ADGRB1: variants seen among roughly 807,000 people sequenced by gnomAD.
The protein encoded by ADGRB1 is brain-specific angiogenesis inhibitor 1.
ADGRB1 carries 36 observed loss-of-function variants against 175.7 expected under a neutral mutation model. That is an observed-to-expected ratio of 0.20 (90% CI 0.16 to 0.27). ADGRB1 has a LOEUF of 0.27. Among genes scored for constraint, ADGRB1 ranks in the 10% least tolerant of loss-of-function variants. ADGRB1 has a pLI of 1.00. For synonymous variants in ADGRB1, 1,054 were observed against 979.4 expected (o/e 1.08, Z -1.42); for missense variants, 1,731 against 2,255.3 (o/e 0.77, Z 4.71).
intron 4 of ADGRB1, among the ~76,000 whole-genome samples, 156 bp downstream of exon 4, chr8:142,476,851 A>G (rs975801951): frequency 6.6e-6 from 1 of 152,214 alleles, no homozygotes; most frequent in African/African-American, 2.4e-5. Context: ...GCCTGGCATT[A>G]GGGGAACTGG....
intron 17 of ADGRB1, among the ~76,000 whole-genome samples, chr8:142,506,042 G>A (rs943915640): frequency 6.6e-6 from 1 of 152,208 alleles, no homozygotes; most frequent in East Asian, 1.9e-4. Context: ...GCGCCTGTGG[G>A]ACTGTCATGC....
chr8:142,478,455 G>GCC, intron 7 of ADGRB1, 95 bp downstream of exon 7: 1 of 1,360,500 alleles, frequency 7.4e-7, no homozygotes, highest in Non-Finnish European at 9.8e-7. Context: ...GTAACCATGG[G>GCC]CCCCGGCATG....
At chr8:142,452,430 G>A (rs1383616849) in intron 1 of ADGRB1, among the ~76,000 whole-genome samples, 1 of 152,174 alleles carries the variant, frequency 6.6e-6, no homozygotes. Context: ...CACTCATCCG[G>A]ATCCCGGGCT....
At chr8:142,515,320 C>T (rs1843354197) in intron 18 of ADGRB1, among the ~76,000 whole-genome samples, 1 of 152,238 alleles carries the variant, frequency 6.6e-6, no homozygotes, top group Non-Finnish European at 1.5e-5. Context: ...CGGTCTTGGT[C>T]TACCCCTCCT....
intron 1 of ADGRB1, among the ~76,000 whole-genome samples, chr8:142,463,382 C>A (rs779016788): frequency 1.3e-5 from 2 of 152,232 alleles, no homozygotes; most frequent in African/African-American, 2.4e-5. Flanking sequence ...GGCTCTGCAC[C>A]CCCTTCCTGC....
At chr8:142,459,021 C>T (rs1839830468) in intron 1 of ADGRB1, among the ~76,000 whole-genome samples, 1 of 152,248 alleles carries the variant, frequency 6.6e-6, no homozygotes, top group African/African-American at 2.4e-5. Context: ...AGCGCCCACA[C>T]TGGTCCCCCA....
At position 142,477,249 on chromosome 8, in the gene ADGRB1, G is replaced by A. The variant is rs1440764063; in HGVS notation, c.1193G>A (p.Arg398Gln). ...TGCAGCGGACCCCTGCGCGAGCAGC[G>A]GCTGTGCAACAACTCTGCCGTGTGC... ...TQCSGPLREQ[R>Q]LCNNSAVCPV... Residue 398 changes from arginine (R) to glutamine (Q), a missense_variant, in exon 5 of 31, where the codon CGG becomes CAG. By Grantham distance (43) the Arg-to-Gln change is conservative (BLOSUM62 1). Coordinates refer to ENST00000517894, the MANE Select transcript of ADGRB1 (RefSeq NM_001702.3). The A allele has an allele frequency of 1.9e-6, 3 of 1,597,472 alleles. No homozygotes were observed. The highest frequency in any genetic ancestry group is 1.1e-5 in the South Asian group (1 of 90,676).
chr8:142,489,481 C>G (rs567156780), intron 16 of ADGRB1, 43 bp downstream of exon 16: 2 of 1,584,216 alleles, frequency 1.3e-6, no homozygotes, highest in Non-Finnish European at 1.7e-6. Context: ...AGCAGAAACG[C>G]GTGTGCGCGA....
chr8:142,536,931 G>T (rs567031449), intron 25 of ADGRB1, 56 bp from the exon 26 acceptor site: 3 of 1,451,492 alleles, frequency 2.1e-6, no homozygotes, highest in Admixed American at 4.2e-5. Flanking sequence ...CTGATCTGGC[G>T]CTGGCGCAGG....
intron 1 of ADGRB1, among the ~76,000 whole-genome samples, chr8:142,462,886 C>A (rs1317361409): frequency 1.3e-5 from 2 of 152,204 alleles, no homozygotes; most frequent in African/African-American, 4.8e-5. Context: ...GAGGTGGATG[C>A]CCGCTGGGCC....
intron 17 of ADGRB1, among the ~76,000 whole-genome samples, chr8:142,500,511 A>C (rs1476189487): frequency 6.6e-6 from 1 of 151,126 alleles, no homozygotes; most frequent in Non-Finnish European, 1.5e-5. Context: ...GCAGGGGTCC[A>C]GGCCACGGGG....
rs1167766146 is a variant in ADGRB1 at position 142,542,734 on chromosome 8, G to A, written c.4413+87G>A. 22 of 1,257,344 alleles carry A rather than the reference G, an allele frequency of 1.7e-5. No individual in the cohort carries two copies. Among genetic ancestry groups the A allele is most frequent in the Middle Eastern group, 1.9e-4 (1 of 5,144 alleles). 77.9% of individuals were successfully genotyped at this position (1,257,344 alleles called of 1,614,324 possible). On this transcript the variant is annotated intron_variant, in intron 28 of 30. Transcript: ENST00000517894. The surrounding 1 kb of genome is among the most constrained non-coding windows in gnomAD (Gnocchi z 6.3). Reference sequence around the variant, plus strand: ...CACCCCTGCTGGGTGGGACCCCCACGCCGTCAGCGGGGCGGGCTGGCTCTG... The same window carrying A: ...CACCCCTGCTGGGTGGGACCCCCACACCGTCAGCGGGGCGGGCTGGCTCTG...
chr8:142,465,051 A>G (rs1587258653), intron 2 of ADGRB1, 69 bp downstream of exon 2: 17 of 318,106 alleles, frequency 5.3e-5, no homozygotes, highest in South Asian at 2.2e-4. Flanking sequence ...CAGACAGGGG[A>G]GGCGGGCGGA....
rs545205462 is a variant in ADGRB1 at position 142,469,109 on chromosome 8, T to C, written c.784+4127T>C. On this transcript the variant is annotated intron_variant, in intron 2 of 30. Coordinates refer to ENST00000517894, the MANE Select transcript of ADGRB1 (RefSeq NM_001702.3). Reference sequence around the variant, plus strand: ...AGTGGTAACACTAGGGCGTCTGCAGTGAGCTCTGCTCAGAGCTGTGCGTGT... The same window carrying C: ...AGTGGTAACACTAGGGCGTCTGCAGCGAGCTCTGCTCAGAGCTGTGCGTGT... Among the ~76,000 whole-genome samples the C allele has an allele frequency of 7.9e-5, 12 of 152,366 alleles. 1 individual carries two copies. The South Asian group carries it at 2.3e-3, about 29-fold the overall frequency.
chr8:142,476,683 GC>G lies in ADGRB1; in HGVS notation c.1051del (p.Gln351ArgfsTer239). On this transcript the variant is annotated frameshift_variant, in exon 4 of 31. Coordinates refer to ENST00000517894, the MANE Select transcript of ADGRB1 (RefSeq NM_001702.3). LOFTEE classifies it high-confidence loss of function. ...CGAGCTGCAGCAGTTTGGGTTCCCA[GC>G]CCCCCAGACCGGTGAGCTGGCGGGA... ...GDELQQFGFP[A>X]PQTGDPAAEE... The G allele has an allele frequency of 6.5e-7, 1 of 1,546,668 alleles. No homozygotes were observed.
At chr8:142,526,819 C>T (rs567714566) in intron 24 of ADGRB1, among the ~76,000 whole-genome samples, 192 bp downstream of exon 24, 9 of 152,326 alleles carry the variant, frequency 5.9e-5, no homozygotes, top group Admixed American at 2.0e-4. Context: ...CTCACCGTGC[C>T]TCAGTTTCTC....
At chr8:142,465,475 C>T (rs1349913066) in intron 2 of ADGRB1, among the ~76,000 whole-genome samples, 5 of 151,124 alleles carry the variant, frequency 3.3e-5, no homozygotes, top group Non-Finnish European at 7.4e-5. Flanking sequence ...GTGGAAGGGT[C>T]GGCAGGTGGG....
rs1165866323 is a variant in ADGRB1 at position 142,510,485 on chromosome 8, A to G, written c.2676-447A>G. 1.3e-5 allele frequency among the ~76,000 whole-genome samples: 2 copies of G among 149,588 alleles called. No homozygotes were observed. The highest frequency in any genetic ancestry group is 6.6e-5 in the Admixed American group (1 of 15,104). On this transcript the variant is annotated intron_variant, in intron 17 of 30. Transcript: ENST00000517894. The surrounding 1 kb of genome is among the most constrained non-coding windows in gnomAD (Gnocchi z 6.3). ...CGCTCCGAACCCGCCCCGCGCCCCC[A>G]GGCCACACCCGGCTCGCACCCTCCC... is the stretch of plus-strand genomic sequence containing the variant.
rs546612247 is a variant in ADGRB1, at chr8:142,543,933, G to T, written c.4557+225G>T. ...GAGCGGTCACGAGCCTGCTCCTGGG[G>T]CCAGGGGTCTGGATTGGGGTGGAGC... On this transcript the variant is annotated intron_variant, in intron 30 of 30. Coordinates refer to ENST00000517894, the MANE Select transcript of ADGRB1 (RefSeq NM_001702.3). The surrounding 1 kb of genome is among the most constrained non-coding windows in gnomAD (Gnocchi z 4.4). Among the ~76,000 whole-genome samples, 4 of 152,282 alleles carry T rather than the reference G, an allele frequency of 2.6e-5. No individual in the cohort carries two copies. In the East Asian group the frequency reaches 5.8e-4, roughly 22 times the overall value.
Sources: allele counts gnomAD v4.1 joint callset (sites outside exome capture counted in the v4.1 genomes callset), GRCh38; gene constraint gnomAD v4.1.1; non-coding constraint Gnocchi (gnomAD v3.1); transcripts MANE v1.5; gene names NCBI Gene and HGNC (gene_info 2026-07-23, HGNC 2026-07-21).